Variants in ZNFX1 observed in about 807,000 individuals in gnomAD.
ZNFX1 encodes the protein NFX1-type zinc finger-containing protein 1.
ZNFX1 carries 78 observed loss-of-function variants against 179.8 expected under a neutral mutation model. The ratio of observed to expected loss-of-function variants is 0.43; its 90% CI spans 0.36 to 0.52. The LOEUF is 0.52. Among genes scored for constraint, ZNFX1 ranks in the 20% least tolerant of loss-of-function variants. The pLI, the probability that ZNFX1 is intolerant of heterozygous loss-of-function variation, is 0.00. For missense variants in ZNFX1, 1,927 were observed against 2,386.6 expected, an observed-to-expected ratio of 0.81 and a Z score of 4.01; for synonymous variants, 848 against 868.5, an observed-to-expected ratio of 0.98 and a Z score of 0.42.
intron 8 of ZNFX1, among the ~76,000 whole-genome samples, chr20:49,256,854 T>C (rs533314772): frequency 6.6e-6 from 1 of 152,338 alleles, no homozygotes; most frequent in East Asian, 1.9e-4. Context: ...GAATATCTAA[T>C]CCTCGATCAT....
At chr20:49,267,341 A>C (rs1206242327) in intron 3 of ZNFX1, among the ~76,000 whole-genome samples, 1 of 151,988 alleles carries the variant, frequency 6.6e-6, no homozygotes, top group African/African-American at 2.4e-5. Context: ...TTAAGGCCCT[A>C]TGTTGTCCAG....
chr20:49,255,859 T>C lies in ZNFX1; in HGVS notation c.2753A>G (p.Glu918Gly), dbSNP rs1980957736. 6.2e-7 allele frequency: 1 copy of C among 1,614,050 alleles called. No homozygotes were observed. The highest frequency in any genetic ancestry group is 1.3e-5 in the African/African-American group (1 of 74,922). Reference sequence around the variant, plus strand: ...GTCCAGCTGCCAAACATCCTCGATCTCGTTGGCCTCGGCTGCAGTCATGGT... The same window carrying C: ...GTCCAGCTGCCAAACATCCTCGATCCCGTTGGCCTCGGCTGCAGTCATGGT... ...LNTMTAAEAN[E>G]IEDVWQLDLS... Residue 918 changes from glutamate to glycine, a missense_variant, in exon 9 of 14, where the codon GAG becomes GGG. Physicochemically the swap from Glu to Gly is moderately conservative, Grantham distance 98. Coordinates refer to ENST00000396105, the MANE Select transcript of ZNFX1 (RefSeq NM_021035.3).
In ZNFX1 at chr20:49,247,826, C is replaced by T. The variant is rs767974119; in HGVS notation, c.5198G>A (p.Arg1733Gln). 8.1e-6 allele frequency: 13 copies of T among 1,614,124 alleles called. No individual in the cohort carries two copies. Among genetic ancestry groups the T allele is most frequent in the Non-Finnish European group, 1.1e-5 (13 of 1,180,008 alleles). The change falls in exon 14 of 14, where the codon CGA (arginine) becomes CAA (glutamine). Residue 1733 changes from arginine to glutamine, a missense_variant. Coordinates refer to ENST00000396105, the MANE Select transcript of ZNFX1 (RefSeq NM_021035.3). ...CAGCCACTCATGGACCTGTTCTAGT[C>T]GAGTCCTCACTCTTTTCTCTTCTAA... ...HVLEEKRVRTRLEQVHEWLAK... is the reference protein window; with the variant it reads ...HVLEEKRVRTQLEQVHEWLAK...
chr20:49,257,355 T>C lies in ZNFX1; in HGVS notation c.2664+62A>G, dbSNP rs1349622638. On this transcript the variant is annotated intron_variant, in intron 8 of 13. Transcript: ENST00000396105. ...TGAAGTGAATATACTGTATCAGAAG[T>C]GGGGGAAAACAAGCGGTCAGAACAC... 8 of 1,596,486 alleles carry C rather than the reference T, an allele frequency of 5.0e-6. No individual in the cohort carries two copies. In the East Asian group the frequency reaches 1.8e-4, roughly 36 times the overall value.
In ZNFX1 at chr20:49,261,406, C is replaced by T. The variant is rs148445409; in HGVS notation, c.2302-829G>A. 3.1e-3 allele frequency among the ~76,000 whole-genome samples: 468 copies of T among 152,188 alleles called. 3 individuals are homozygous for T. The highest frequency in any genetic ancestry group is 2.7e-3 in the Non-Finnish European group (185 of 68,008). On this transcript the variant is annotated intron_variant, in intron 6 of 13. Coordinates refer to ENST00000396105, the MANE Select transcript of ZNFX1 (RefSeq NM_021035.3). ...AAAAAGAATGAGATCATGTCCTTTG[C>T]GAGGACCTGAATGGAGTTTGAGGGC...
At chr20:49,265,451 G>A (rs1476684122) in intron 4 of ZNFX1, among the ~76,000 whole-genome samples, 1 of 152,200 alleles carries the variant, frequency 6.6e-6, no homozygotes, top group Non-Finnish European at 1.5e-5. Context: ...AATGTAGTGA[G>A]TACTGGTAGC....
At chr20:49,252,141 CTTTTCTTTTTTTT>C (rs1236783898) in intron 12 of ZNFX1, among the ~76,000 whole-genome samples, 1 of 149,660 alleles carries the variant, frequency 6.7e-6, no homozygotes, top group African/African-American at 2.4e-5. Context: ...CTCTATTTTT[CTTTTCTTTTTTTT>C]TTTTCTGAGA....
Position 49,248,441 on chromosome 20 carries a change from G to A in ZNFX1, c.4583C>T (p.Ser1528Phe). The A allele has an allele frequency of 6.2e-7, 1 of 1,610,056 alleles. No individual in the cohort carries two copies. ...GCATGGGGGTCGGTTGCAGGGCTCA[G>A]AGCAGAGTTTGGTGCACTGGTAGTG... Reference protein sequence around the residue: ...CQHYQCTKLCSEPCNRPPCYV... With the variant: ...CQHYQCTKLCFEPCNRPPCYV... Residue 1528 changes from serine to phenylalanine, a missense_variant, in exon 14 of 14, where the codon TCT becomes TTT. Transcript: ENST00000396105. This position sits in a 1 kb window ranked among gnomAD's most constrained non-coding sequence, Gnocchi z 4.6.
intron 6 of ZNFX1, among the ~76,000 whole-genome samples, chr20:49,261,905 C>T (rs905697444): frequency 6.6e-6 from 1 of 151,548 alleles, no homozygotes; most frequent in Non-Finnish European, 1.5e-5. Flanking sequence ...CTCGGCCTCC[C>T]AAAGTGCTGG....
At position 49,247,574 on chromosome 20, in the gene ZNFX1, T is replaced by C. The variant is rs146535697; in HGVS notation, c.5450A>G (p.Lys1817Arg). ...CAGGCCAGAGCAGGGAAGGGTGGCT[T>C]TCAGAGCTTCCATCTTTTCCTGCAC... ...QLVQEKMEAL[K>R]ATLPCSGLGI... The change falls in exon 14 of 14, where the codon AAA (lysine) becomes AGA (arginine). Residue 1817 changes from lysine (K) to arginine (R), a missense_variant. By Grantham distance (26) the Lys-to-Arg change is conservative (BLOSUM62 2). Coordinates refer to ENST00000396105, the MANE Select transcript of ZNFX1 (RefSeq NM_021035.3). 99 of 1,614,088 alleles carry C rather than the reference T, an allele frequency of 6.1e-5. No individual in the cohort carries two copies. The highest frequency in any genetic ancestry group is 8.1e-5 in the Non-Finnish European group (95 of 1,180,032).
chr20:49,264,691 C>T lies in ZNFX1; in HGVS notation c.2151+25G>A, dbSNP rs1600993373. On this transcript the variant is annotated intron_variant, in intron 5 of 13. Coordinates refer to ENST00000396105, the MANE Select transcript of ZNFX1 (RefSeq NM_021035.3). ...TGTTTAGGTCCCTCTTGAACTACCC[C>T]AGATATTTCAGAGCTGGGACTTACA... is the stretch of plus-strand genomic sequence containing the variant. The T allele has an allele frequency of 6.2e-6, 10 of 1,612,244 alleles. No individual in the cohort carries two copies. In the East Asian group the frequency reaches 2.0e-4, roughly 32 times the overall value.
At position 49,271,151 on chromosome 20, in the gene ZNFX1, G is replaced by A; in HGVS notation, c.661C>T (p.Leu221=). Residue 221 remains leucine, a synonymous_variant, in exon 3 of 14, where the codon CTG becomes TTG. Transcript: ENST00000396105. ...ATCATCCCTACCACATAAGCAGGCA[G>A]GCAGACTTTGAGAAATTTGGAGTTT... ...LKNSKFLKVC[L]PAYVVGMITE... 1 of 1,614,158 alleles carries A rather than the reference G, an allele frequency of 6.2e-7. No individual in the cohort carries two copies. Among genetic ancestry groups the A allele is most frequent in the South Asian group, 1.1e-5 (1 of 91,078 alleles).
chr20:49,258,497 C>T (rs548469407), intron 7 of ZNFX1, among the ~76,000 whole-genome samples: 4 of 152,220 alleles, frequency 2.6e-5, no homozygotes, highest in South Asian at 2.1e-4. Flanking sequence ...AAAAATCATA[C>T]GAATATATGC....
At chr20:49,262,102 C>A (rs1981128412) in intron 6 of ZNFX1, among the ~76,000 whole-genome samples, 1 of 150,480 alleles carries the variant, frequency 6.6e-6, no homozygotes, top group African/African-American at 2.4e-5. Context: ...GAACATTTAA[C>A]ATGACTTGTA....
In ZNFX1 at chr20:49,275,904, A is replaced by G; in HGVS notation, c.-48-17T>C. 1 of 1,563,080 alleles carries G rather than the reference A, an allele frequency of 6.4e-7. No homozygotes were observed. The highest frequency in any genetic ancestry group is 8.8e-7 in the Non-Finnish European group (1 of 1,134,002). On this transcript the variant is annotated splice_polypyrimidine_tract_variant and intron_variant, in intron 1 of 13. Transcript: ENST00000396105. ...TCTGGAAAACTGCACATGTTGAGTTATCAGTGTCCTCGAAACATAGCATCT... is the reference window on the plus strand; with the variant it reads ...TCTGGAAAACTGCACATGTTGAGTTGTCAGTGTCCTCGAAACATAGCATCT...
intron 3 of ZNFX1, among the ~76,000 whole-genome samples, chr20:49,266,501 G>A (rs1981235939): frequency 6.6e-6 from 1 of 152,054 alleles, no homozygotes; most frequent in African/African-American, 2.4e-5. Flanking sequence ...GTATATCCAC[G>A]CATATACAAA....
chr20:49,259,127 T>A (rs200244400), intron 7 of ZNFX1, among the ~76,000 whole-genome samples: 9,152 of 72,810 alleles, frequency 0.13, 407 homozygotes, highest in Non-Finnish European at 0.21. Flanking sequence ...AATAAATAAA[T>A]AAATAAATAA....
Position 49,271,759 on chromosome 20 carries a change from A to G in ZNFX1, c.62-9T>C. 1 of 1,588,644 alleles carries G rather than the reference A, an allele frequency of 6.3e-7. No homozygotes were observed. The highest frequency in any genetic ancestry group is 8.6e-7 in the Non-Finnish European group (1 of 1,165,268). On this transcript the variant is annotated splice_polypyrimidine_tract_variant and intron_variant, in intron 2 of 13. Transcript: ENST00000396105. The stretch of plus-strand genomic sequence containing the variant: ...CTCTCCATCCACAGGGCCTAAACAC[A>G]ATGAAATATTGAGTAACCACAAGAA...
Position 49,249,084 on chromosome 20 carries a change from T to C in ZNFX1, c.3940A>G (p.Lys1314Glu), listed in dbSNP as rs1439561048. Reference protein sequence around the residue: ...RACHPYDSSHKEFQCMKPCQK... With the variant: ...RACHPYDSSHEEFQCMKPCQK... ...CATGGCTTCATGCATTGGAACTCCT[T>C]GTGTGAAGAGTCATAAGGGTGGCAG... is the stretch of plus-strand genomic sequence containing the variant. The change falls in exon 14 of 14, where the codon AAG becomes GAG. Residue 1314 changes from lysine to glutamate, a missense_variant. Transcript: ENST00000396105. The C allele has an allele frequency of 6.2e-7, 1 of 1,614,168 alleles. No homozygotes were observed. Among genetic ancestry groups the C allele is most frequent in the South Asian group, 1.1e-5 (1 of 91,088 alleles).
Sources: allele counts gnomAD v4.1 joint callset (sites outside exome capture counted in the v4.1 genomes callset), GRCh38; gene constraint gnomAD v4.1.1; non-coding constraint Gnocchi (gnomAD v3.1); transcripts MANE v1.5; gene names NCBI Gene and HGNC (gene_info 2026-07-23, HGNC 2026-07-21).